Variants in GNAQ observed in about 807,000 individuals in gnomAD.
GNAQ encodes guanine nucleotide-binding protein G(q) subunit alpha.
Under a neutral mutation model 43.9 loss-of-function variants are expected in GNAQ, and 8 were observed. The ratio of observed to expected loss-of-function variants is 0.18; its 90% CI spans 0.11 to 0.33. The LOEUF (loss-of-function observed/expected upper bound fraction) is 0.33. GNAQ is among the 10% of genes least tolerant of loss of function. The pLI, the probability that GNAQ is intolerant of heterozygous loss-of-function variation, is 1.00. For missense variants in GNAQ, 158 were observed against 450.8 expected (o/e 0.35, Z 5.88); for synonymous variants, 155 against 170.7 (o/e 0.91, Z 0.71).
chr9:77,956,861 A>G (rs1185771631), intron 1 of GNAQ, among the ~76,000 whole-genome samples: 1 of 152,146 alleles, frequency 6.6e-6, no homozygotes, highest in Non-Finnish European at 1.5e-5. Flanking sequence ...GTTCTATAAC[A>G]CCTCAATGAT....
At chr9:77,869,183 T>G (rs1370806101) in intron 2 of GNAQ, among the ~76,000 whole-genome samples, 1 of 152,216 alleles carries the variant, frequency 6.6e-6, no homozygotes, top group African/African-American at 2.4e-5. Flanking sequence ...TATCATCATT[T>G]CAATAGGAAA....
intron 5 of GNAQ, among the ~76,000 whole-genome samples, chr9:77,765,017 C>T (rs896475541): frequency 2.0e-5 from 3 of 152,106 alleles, no homozygotes; most frequent in South Asian, 2.1e-4. Context: ...AAAATCCTGT[C>T]GGGATAACCT....
At chr9:77,906,800 T>A (rs1828716920) in intron 2 of GNAQ, among the ~76,000 whole-genome samples, 1 of 152,176 alleles carries the variant, frequency 6.6e-6, no homozygotes, top group African/African-American at 2.4e-5. Context: ...CAAACCTCAA[T>A]GGGGGTTTTC....
Position 77,860,753 on chromosome 9 carries a change from T to A in GNAQ, c.322-44983A>T, listed in dbSNP as rs1827836869. ...ACACACTGAACAGTCCCCACAGGAC[T>A]GGAAGGCAGAGCATTTATTTCCCTG... is the stretch of plus-strand genomic sequence containing the variant. On this transcript the variant is annotated intron_variant, in intron 2 of 6. Transcript: ENST00000286548. Among the ~76,000 whole-genome samples, 3 of 152,146 alleles carry A rather than the reference T, an allele frequency of 2.0e-5. No homozygotes were observed. The South Asian group carries it at 6.2e-4, about 31-fold the overall frequency.
chr9:77,977,271 A>G (rs1020522996), intron 1 of GNAQ, among the ~76,000 whole-genome samples: 1 of 151,976 alleles, frequency 6.6e-6, no homozygotes, highest in African/African-American at 2.4e-5. Flanking sequence ...CCCTAACCCC[A>G]TCTCAGTACT....
intron 1 of GNAQ, among the ~76,000 whole-genome samples, chr9:77,943,399 G>A (rs932623853): frequency 2.6e-5 from 4 of 152,146 alleles, no homozygotes; most frequent in Non-Finnish European, 4.4e-5. Context: ...AACATGACAC[G>A]GGCAAGAACA....
chr9:77,927,590 G>C (rs866545674), intron 1 of GNAQ, among the ~76,000 whole-genome samples: 1 of 151,804 alleles, frequency 6.6e-6, no homozygotes, highest in African/African-American at 2.4e-5. Context: ...AAAAAAGGGG[G>C]TGGGGGCAGA....
intron 5 of GNAQ, among the ~76,000 whole-genome samples, chr9:77,756,019 G>T (rs1564100904): frequency 6.6e-6 from 1 of 152,130 alleles, no homozygotes; most frequent in Non-Finnish European, 1.5e-5. Context: ...AGTGCAGCCG[G>T]AATCAAAGCA....
chr9:77,735,364 A>G (rs1243238745), intron 5 of GNAQ, among the ~76,000 whole-genome samples: 1 of 152,224 alleles, frequency 6.6e-6, no homozygotes, highest in Non-Finnish European at 1.5e-5. Flanking sequence ...ATTTGAATCA[A>G]TATTATCATT....
chr9:78,000,182 C>T (rs1408366782), intron 1 of GNAQ, among the ~76,000 whole-genome samples: 2 of 152,060 alleles, frequency 1.3e-5, no homozygotes, highest in African/African-American at 2.4e-5. Flanking sequence ...GGGTAATTAG[C>T]ATCAAAAATT....
At chr9:78,030,292 C>CA (rs1355445175) in intron 1 of GNAQ, among the ~76,000 whole-genome samples, 1 of 152,160 alleles carries the variant, frequency 6.6e-6, no homozygotes, top group Non-Finnish European at 1.5e-5. Context: ...TGTCAACAAC[C>CA]ACACAGCACA....
At chr9:77,975,523 T>C (rs1372874259) in intron 1 of GNAQ, among the ~76,000 whole-genome samples, 1 of 150,650 alleles carries the variant, frequency 6.6e-6, no homozygotes, top group African/African-American at 2.4e-5. Flanking sequence ...ACTTTTACTG[T>C]TATCAGCCCC....
At chr9:77,914,350 ATAGATTCCTTTAGACTAT>A (rs1366100979) in intron 2 of GNAQ, among the ~76,000 whole-genome samples, 1 of 152,188 alleles carries the variant, frequency 6.6e-6, no homozygotes, top group African/African-American at 2.4e-5. Flanking sequence ...TGAAAAGTCC[ATAGATTCCTTTAGACTAT>A]TAAAAAGCCA....
chr9:77,848,025 C>G (rs1409504696), intron 2 of GNAQ, among the ~76,000 whole-genome samples: 1 of 152,188 alleles, frequency 6.6e-6, no homozygotes, highest in Admixed American at 6.5e-5. Flanking sequence ...GTTGGATGCT[C>G]TGGATTTCAG....
chr9:77,991,481 C>G (rs1038862542), intron 1 of GNAQ, among the ~76,000 whole-genome samples: 1 of 152,208 alleles, frequency 6.6e-6, no homozygotes, highest in African/African-American at 2.4e-5. Context: ...ACGAGATTGT[C>G]TTTTCTAATA....
chr9:77,796,543 C>T (rs902713768), intron 4 of GNAQ, among the ~76,000 whole-genome samples: 1 of 152,088 alleles, frequency 6.6e-6, no homozygotes, highest in African/African-American at 2.4e-5. Flanking sequence ...TTTTTCTCAT[C>T]CTAAAAACAA....
rs151307465 is a variant in GNAQ at position 77,919,902 on chromosome 9, G to T, written c.321+2259C>A. 1.2e-3 allele frequency among the ~76,000 whole-genome samples: 189 copies of T among 152,292 alleles called. 2 individuals are homozygous for T. Among genetic ancestry groups the T allele is most frequent in the African/African-American group, 4.3e-3 (179 of 41,562 alleles). On this transcript the variant is annotated intron_variant, in intron 2 of 6. Transcript: ENST00000286548. ...CATGCCTGTAATCCCAACACTTTGG[G>T]AGGCCGAAGCAGGCGGATCATGAAA...
At chr9:77,774,901 A>G (rs569758732) in intron 5 of GNAQ, among the ~76,000 whole-genome samples, 86 of 152,188 alleles carry the variant, frequency 5.7e-4, no homozygotes, top group Admixed American at 2.4e-3. Context: ...AATAAAACAT[A>G]AAAACAAAAT....
At chr9:77,724,343 C>G (rs919685323) in intron 6 of GNAQ, among the ~76,000 whole-genome samples, 2 of 152,090 alleles carry the variant, frequency 1.3e-5, no homozygotes, top group African/African-American at 4.8e-5. Context: ...AGGCGTGCAC[C>G]ACCATGCCCA....
Sources: allele counts gnomAD v4.1 joint callset (sites outside exome capture counted in the v4.1 genomes callset), GRCh38; gene constraint gnomAD v4.1.1; transcripts MANE v1.5; gene names NCBI Gene and HGNC (gene_info 2026-07-23, HGNC 2026-07-21).